The following MGAT4C variants were observed in gnomAD, a reference collection of about 807,000 sequenced individuals.
The protein encoded by MGAT4C is MGAT4 family member C, also known as alpha-1,3-mannosyl-glycoprotein 4-beta-N-acetylglucosaminyltransferase C.
MGAT4C carries 19 observed loss-of-function variants against 40.1 expected under a neutral mutation model. The observed-to-expected ratio is 0.47, with a 90% confidence interval of 0.33 to 0.70. The LOEUF is 0.70. MGAT4C is among the 30% of genes least tolerant of loss of function. The pLI is 0.02. For synonymous variants in MGAT4C, 181 were observed against 187.1 expected (o/e 0.97, Z 0.27); for missense variants, 491 against 563.2 (o/e 0.87, Z 1.30).
chr12:86,053,858 A>G (rs1402760621), intron 1 of MGAT4C, among the ~76,000 whole-genome samples: 2 of 151,966 alleles, frequency 1.3e-5, no homozygotes, highest in Admixed American at 1.3e-4. Flanking sequence ...AGCCTCACTC[A>G]TTACCAGAGA....
intron 1 of MGAT4C, among the ~76,000 whole-genome samples, chr12:86,252,134 T>C (rs188834863): frequency 7.5e-4 from 114 of 152,158 alleles, no homozygotes; most frequent in Non-Finnish European, 1.3e-3. Flanking sequence ...CATAATTTAT[T>C]AACCCCTGAA....
At chr12:86,406,002 T>C (rs1956464519) in intron 3 of MGAT4C, among the ~76,000 whole-genome samples, 1 of 136,010 alleles carries the variant, frequency 7.4e-6, no homozygotes, top group African/African-American at 2.8e-5. Context: ...ATATATATTA[T>C]ATATAAATAT....
At chr12:86,144,763 G>C (rs1883294253) in intron 1 of MGAT4C, among the ~76,000 whole-genome samples, 1 of 152,052 alleles carries the variant, frequency 6.6e-6, no homozygotes, top group South Asian at 2.1e-4. Context: ...TATGTTCAAA[G>C]TTATTTAAGT....
intron 2 of MGAT4C, among the ~76,000 whole-genome samples, chr12:86,033,685 A>G (rs1033072372): frequency 6.7e-6 from 1 of 149,580 alleles, no homozygotes; most frequent in Admixed American, 6.7e-5. Flanking sequence ...GTATAAAATC[A>G]TATTCTCTGC....
intron 1 of MGAT4C, among the ~76,000 whole-genome samples, chr12:86,084,992 G>T (rs1424104928): frequency 6.6e-6 from 1 of 152,020 alleles, no homozygotes; most frequent in African/African-American, 2.4e-5. Flanking sequence ...ATAGACGTTG[G>T]TTAAGATTTT....
intron 2 of MGAT4C, among the ~76,000 whole-genome samples, chr12:86,600,587 CAAAGTA>C (rs1961730712): frequency 6.6e-6 from 1 of 152,174 alleles, no homozygotes; most frequent in African/African-American, 2.4e-5. Context: ...TTAGCCAGCA[CAAAGTA>C]TGGCCCATCT....
intron 1 of MGAT4C, among the ~76,000 whole-genome samples, chr12:86,164,256 C>T (rs1885937434): frequency 1.3e-5 from 2 of 152,100 alleles, no homozygotes; most frequent in South Asian, 2.1e-4. Context: ...AATCTATGGG[C>T]TCTGTGTTTC....
intron 4 of MGAT4C, among the ~76,000 whole-genome samples, chr12:86,271,979 A>G (rs1952962835): frequency 1.3e-5 from 2 of 152,216 alleles, no homozygotes; most frequent in South Asian, 4.1e-4. Context: ...CAATGAAACT[A>G]CAGAAACTGG....
intron 1 of MGAT4C, among the ~76,000 whole-genome samples, chr12:86,090,268 A>T (rs558986314): frequency 3.3e-5 from 5 of 151,748 alleles, no homozygotes; most frequent in Non-Finnish European, 7.4e-5. Context: ...TGCCATATTC[A>T]TAAAGTTTAT....
chr12:86,038,836 T>C (rs911676586), intron 2 of MGAT4C, among the ~76,000 whole-genome samples: 4 of 150,006 alleles, frequency 2.7e-5, no homozygotes, highest in African/African-American at 9.7e-5. Context: ...TTGATGGTCT[T>C]TAAAATTTGG....
chr12:86,442,114 A>C (rs1009854207), intron 2 of MGAT4C, among the ~76,000 whole-genome samples: 1 of 151,958 alleles, frequency 6.6e-6, no homozygotes, highest in East Asian at 1.9e-4. Context: ...GCATTTTTTC[A>C]TGTGTCTGTT....
intron 1 of MGAT4C, among the ~76,000 whole-genome samples, chr12:86,088,801 C>T (rs1185606369): frequency 6.6e-6 from 1 of 151,972 alleles, no homozygotes; most frequent in African/African-American, 2.4e-5. Context: ...GGTGGGAGTG[C>T]AAATGAATTC....
rs780958702 is a variant in MGAT4C at position 86,034,538 on chromosome 12, T to A, written c.-7+15136A>T. Among the ~76,000 whole-genome samples the A allele has an allele frequency of 7.4e-5, 11 of 148,370 alleles. 1 individual carries two copies. The highest frequency in any genetic ancestry group is 1.7e-4 in the Non-Finnish European group (11 of 66,036). On this transcript the variant is annotated intron_variant, in intron 2 of 4. Transcript: ENST00000611864. ...ATTTTCTACCTTGTGTGCATAGAAA[T>A]GTGCATAGTAGTCTCTGAGGGTTTT...
chr12:86,607,475 G>GTATCCATT (rs1962082612), intron 2 of MGAT4C, among the ~76,000 whole-genome samples: 1 of 151,932 alleles, frequency 6.6e-6, no homozygotes, highest in Non-Finnish European at 1.5e-5. Context: ...TTTGGTGTTT[G>GTATCCATT]TATCCATTTT....
At chr12:86,022,481 G>C (rs985493521) in intron 2 of MGAT4C, 3 of 152,282 alleles carry the variant, frequency 2.0e-5, no homozygotes, top group African/African-American at 7.2e-5. Context: ...GGAGGCTGAG[G>C]TGGGAGGATC....
At chr12:86,584,433 T>G (rs1960922119) in intron 2 of MGAT4C, among the ~76,000 whole-genome samples, 1 of 151,160 alleles carries the variant, frequency 6.6e-6, no homozygotes, top group Non-Finnish European at 1.5e-5. Flanking sequence ...AAGAAAACAA[T>G]AATATATGAA....
chr12:86,179,311 T>C (rs1473201310), intron 1 of MGAT4C, among the ~76,000 whole-genome samples: 2 of 152,202 alleles, frequency 1.3e-5, no homozygotes, highest in Non-Finnish European at 2.9e-5. Context: ...TTAAACTTCT[T>C]TTGGTTCCCA....
At chr12:86,457,242 G>A (rs2136292149) in intron 2 of MGAT4C, among the ~76,000 whole-genome samples, 1 of 151,994 alleles carries the variant, frequency 6.6e-6, no homozygotes, top group South Asian at 2.1e-4. Flanking sequence ...CTGCTATAGT[G>A]CTTTCTTACT....
At chr12:86,774,397 CTCTCTCTCT>C (rs1565982018) in intron 1 of MGAT4C, among the ~76,000 whole-genome samples, 1 of 12,968 alleles carries the variant, frequency 7.7e-5, no homozygotes, top group Non-Finnish European at 5.3e-4. Flanking sequence ...TCTCTCTCTC[CTCTCTCTCT>C]CTCTCTCTCT....
Sources: allele counts gnomAD v4.1 joint callset (sites outside exome capture counted in the v4.1 genomes callset), GRCh38; gene constraint gnomAD v4.1.1; transcripts MANE v1.5; gene names NCBI Gene and HGNC (gene_info 2026-07-23, HGNC 2026-07-21).